Variants in ZNF521 observed in about 807,000 individuals in gnomAD.
The protein encoded by ZNF521 is LYST-interacting protein 3.
A neutral mutation model predicts 105.5 loss-of-function variants in ZNF521; 14 were observed. The observed-to-expected ratio is 0.13, with a 90% CI of 0.09 to 0.21. The LOEUF (loss-of-function observed/expected upper bound fraction) is 0.21. Ranked by LOEUF, ZNF521 falls within the 10% of genes least tolerant of loss-of-function variation. The pLI is 1.00. For synonymous variants in ZNF521, 635 were observed against 606.0 expected (o/e 1.05, Z -0.70); for missense variants, 1,233 against 1,629.7 (o/e 0.76, Z 4.19).
At chr18:25,150,681 T>C (rs12962215) in intron 5 of ZNF521, among the ~76,000 whole-genome samples, 27,316 of 152,044 alleles carry the variant, frequency 0.18, 2,619 homozygotes, top group Middle Eastern at 0.29. Flanking sequence ...CAGAGTATCC[T>C]GGGATCCCTT....
At chr18:25,181,744 G>C (rs776338922) in intron 5 of ZNF521, among the ~76,000 whole-genome samples, 1 of 152,134 alleles carries the variant, frequency 6.6e-6, no homozygotes, top group Non-Finnish European at 1.5e-5. Context: ...AACAGTTTTA[G>C]GCTCATATAA....
intron 3 of ZNF521, among the ~76,000 whole-genome samples, chr18:25,246,323 C>A (rs766618806): frequency 2.6e-5 from 4 of 152,118 alleles, no homozygotes; most frequent in Non-Finnish European, 5.9e-5. Context: ...AAAGCTATTA[C>A]ACTTCATATT....
rs1169062132 is a variant in ZNF521 at position 25,224,990 on chromosome 18, T to C, written c.2928A>G (p.Glu976=). ...GACTCTTACTATGCGTGACTTTGTG[T>C]TCAGTAAGAGTTAAAAGGGAGGGAA... The part of the protein sequence containing the change: ...ERFPSLLTLT[E]HKVTHSKSLD... Residue 976 remains glutamate (E), a synonymous_variant, in exon 4 of 8, where the codon GAA becomes GAG. Coordinates refer to ENST00000361524, the MANE Select transcript of ZNF521 (RefSeq NM_015461.3). 1 of 1,614,002 alleles carries C rather than the reference T, an allele frequency of 6.2e-7. No homozygotes were observed. Among genetic ancestry groups the C allele is most frequent in the Non-Finnish European group, 8.5e-7 (1 of 1,180,028 alleles).
intron 3 of ZNF521, among the ~76,000 whole-genome samples, chr18:25,276,754 G>A (rs7244823): frequency 0.025 from 3,767 of 152,326 alleles, 92 homozygotes; most frequent in East Asian, 0.082. Flanking sequence ...TTGTATCTGT[G>A]AAGAAGTTAA....
intron 5 of ZNF521, among the ~76,000 whole-genome samples, chr18:25,122,913 TG>T (rs1256576999): frequency 1.3e-5 from 2 of 151,938 alleles, no homozygotes; most frequent in Non-Finnish European, 2.9e-5. Flanking sequence ...AGTGTGGCAG[TG>T]GGGAAGGTGT....
At chr18:25,332,309 T>C (rs1913619773) in intron 2 of ZNF521, among the ~76,000 whole-genome samples, 1 of 123,352 alleles carries the variant, frequency 8.1e-6, no homozygotes, top group Non-Finnish European at 1.7e-5. Flanking sequence ...AAAAATCCTA[T>C]AACATAAGGC....
At chr18:25,232,111 C>A in intron 3 of ZNF521, among the ~76,000 whole-genome samples, 1 of 152,152 alleles carries the variant, frequency 6.6e-6, no homozygotes, top group East Asian at 1.9e-4. Flanking sequence ...GGTTACTTTT[C>A]AAGTGAGGAG....
At chr18:25,350,169 C>G (rs1055811911) in intron 2 of ZNF521, among the ~76,000 whole-genome samples, 2 of 152,180 alleles carry the variant, frequency 1.3e-5, no homozygotes, top group Non-Finnish European at 1.5e-5. Context: ...ACGCACGCCC[C>G]GCAACTTCCC....
At chr18:25,240,172 G>C (rs1377316115) in intron 3 of ZNF521, among the ~76,000 whole-genome samples, 1 of 152,146 alleles carries the variant, frequency 6.6e-6, no homozygotes, top group Non-Finnish European at 1.5e-5. Context: ...AGTGGCATCA[G>C]AAGTGCCCCT....
At chr18:25,261,362 C>T (rs139751416) in intron 3 of ZNF521, among the ~76,000 whole-genome samples, 110 of 152,246 alleles carry the variant, frequency 7.2e-4, no homozygotes, top group African/African-American at 2.3e-3. Flanking sequence ...CTGTGGTCAA[C>T]GAGACTGATT....
chr18:25,222,240 C>T, intron 4 of ZNF521, among the ~76,000 whole-genome samples: 1 of 152,048 alleles, frequency 6.6e-6, no homozygotes, highest in East Asian at 1.9e-4. Flanking sequence ...GAAGTATTAT[C>T]CTATGTAAGT....
At chr18:25,083,202 G>A (rs1356130752) in intron 7 of ZNF521, among the ~76,000 whole-genome samples, 1 of 152,126 alleles carries the variant, frequency 6.6e-6, no homozygotes, top group African/African-American at 2.4e-5. Flanking sequence ...TAGTTTTGTA[G>A]TTAGAGGTTA....
chr18:25,090,227 A>G (rs1394041016), intron 6 of ZNF521, among the ~76,000 whole-genome samples: 1 of 152,222 alleles, frequency 6.6e-6, no homozygotes, highest in Non-Finnish European at 1.5e-5. Flanking sequence ...ATTAAATTGT[A>G]TATGCCAGAG....
At chr18:25,204,740 G>C (rs2036049601) in intron 4 of ZNF521, among the ~76,000 whole-genome samples, 1 of 151,754 alleles carries the variant, frequency 6.6e-6, no homozygotes, top group African/African-American at 2.4e-5. Flanking sequence ...GCTTTATTAG[G>C]CTTACTCTCC....
intron 1 of ZNF521, 75 bp from the exon 2 acceptor site, chr18:25,351,022 C>A (rs939062964): frequency 8.1e-7 from 1 of 1,235,610 alleles, no homozygotes; most frequent in African/African-American, 1.6e-5. Flanking sequence ...GCGCGCCCCT[C>A]GGGCCGCGGC....
At chr18:25,244,403 C>T (rs1053653839) in intron 3 of ZNF521, among the ~76,000 whole-genome samples, 15 of 152,256 alleles carry the variant, frequency 9.9e-5, no homozygotes, top group Non-Finnish European at 1.9e-4. Context: ...GCAGTCCTTG[C>T]TTTCAGGAAG....
intron 4 of ZNF521, among the ~76,000 whole-genome samples, chr18:25,209,024 T>C (rs2144677767): frequency 6.6e-6 from 1 of 152,352 alleles, no homozygotes; most frequent in South Asian, 2.1e-4. Flanking sequence ...GCAGACTTTG[T>C]CAAGTTAGAT....
At chr18:25,303,131 G>C (rs1911735927) in intron 3 of ZNF521, among the ~76,000 whole-genome samples, 1 of 152,078 alleles carries the variant, frequency 6.6e-6, no homozygotes, top group Non-Finnish European at 1.5e-5. Context: ...TAGCCTATTT[G>C]ACAATGGCAG....
intron 7 of ZNF521, among the ~76,000 whole-genome samples, chr18:25,087,449 A>G (rs78940669): frequency 0.018 from 2,801 of 152,332 alleles, 95 homozygotes; most frequent in African/African-American, 0.064. Context: ...CTACTAATAC[A>G]GTACAAAAGT....
Sources: gnomAD v4.1 joint callset for allele counts (sites outside exome capture counted in the v4.1 genomes callset) on GRCh38, gnomAD v4.1.1 for gene constraint, MANE v1.5 for transcripts, NCBI Gene and HGNC (gene_info 2026-07-23, HGNC 2026-07-21) for gene names.